ZNF804A: variants seen among roughly 807,000 people sequenced by gnomAD.
ZNF804A encodes the protein zinc finger protein 804A.
ZNF804A carries 2 observed loss-of-function variants against 16.5 expected under a neutral mutation model. The ratio of observed to expected loss-of-function variants is 0.12; its 90% CI spans 0.05 to 0.38. The LOEUF (loss-of-function observed/expected upper bound fraction) is 0.38. Ranked by LOEUF, ZNF804A falls within the 10% of genes least tolerant of loss-of-function variation. The pLI, the probability that ZNF804A is intolerant of heterozygous loss-of-function variation, is 0.99. For missense variants in ZNF804A, 1,473 were observed against 1,390.7 expected (o/e 1.06, Z -0.94); for synonymous variants, 534 against 489.6 (o/e 1.09, Z -1.20).
At chr2:184,749,551 A>G (rs531576805) in intron 1 of ZNF804A, among the ~76,000 whole-genome samples, 1 of 151,406 alleles carries the variant, frequency 6.6e-6, no homozygotes, top group Admixed American at 6.6e-5. Context: ...TTCTTTTCCT[A>G]TTTGAATGCC....
At chr2:184,608,724 A>G (rs1015163720) in intron 1 of ZNF804A, among the ~76,000 whole-genome samples, 2 of 152,166 alleles carry the variant, frequency 1.3e-5, no homozygotes, top group Admixed American at 6.5e-5. Flanking sequence ...CATGAGATGG[A>G]TGATTGCAAG....
intron 2 of ZNF804A, among the ~76,000 whole-genome samples, chr2:184,930,766 A>C (rs548234145): frequency 6.6e-5 from 10 of 152,244 alleles, no homozygotes; most frequent in Non-Finnish European, 4.4e-5. Context: ...GAAATGTTAT[A>C]AACCAGGTAT....
intron 1 of ZNF804A, among the ~76,000 whole-genome samples, chr2:184,735,012 T>C (rs978304927): frequency 6.6e-6 from 1 of 152,210 alleles, no homozygotes; most frequent in Admixed American, 6.5e-5. Flanking sequence ...ATTTGCATCA[T>C]ATGTCTTTCT....
chr2:184,772,265 CAA>C (rs71403989), intron 1 of ZNF804A, among the ~76,000 whole-genome samples: 39 of 132,070 alleles, frequency 3.0e-4, no homozygotes, highest in Admixed American at 4.6e-4. Flanking sequence ...TCCCCTTGAC[CAA>C]AAAAAAAAAA....
intron 2 of ZNF804A, among the ~76,000 whole-genome samples, chr2:184,916,956 G>C (rs1685458850): frequency 1.3e-5 from 2 of 152,128 alleles, no homozygotes; most frequent in Non-Finnish European, 2.9e-5. Context: ...TAAGGACTAG[G>C]AATCTATTGA....
intron 1 of ZNF804A, among the ~76,000 whole-genome samples, chr2:184,614,658 A>G (rs73041394): frequency 0.27 from 41,729 of 152,032 alleles, 5,958 homozygotes; most frequent in African/African-American, 0.33. Context: ...AATAAAAATT[A>G]CCATAGTAAC....
At chr2:184,679,825 C>A (rs1003348886) in intron 1 of ZNF804A, among the ~76,000 whole-genome samples, 1 of 152,072 alleles carries the variant, frequency 6.6e-6, no homozygotes, top group Non-Finnish European at 1.5e-5. Context: ...GTCTGGGCTC[C>A]ATGGGCACTG....
At position 184,938,229 on chromosome 2, in the gene ZNF804A, C is replaced by A; in HGVS notation, c.2833C>A (p.Leu945Ile). Residue 945 changes from leucine (L) to isoleucine (I), a missense_variant, in exon 4 of 4, where the codon CTT (leucine) becomes ATT (isoleucine). By Grantham distance (5) the Leu-to-Ile change is conservative (BLOSUM62 2). Coordinates refer to ENST00000302277, the MANE Select transcript of ZNF804A (RefSeq NM_194250.2). ...EHKERSENIN[L>I]NEKQIPFQVP... ...CAAAGAAAGAAGTGAGAATATAAAT[C>A]TTAATGAAAAGCAAATTCCTTTTCA... The A allele has an allele frequency of 4.3e-6, 7 of 1,614,068 alleles. No individual in the cohort carries two copies. The highest frequency in any genetic ancestry group is 5.9e-6 in the Non-Finnish European group (7 of 1,180,010).
In ZNF804A at chr2:184,832,264, G is replaced by A. The variant is rs566019802; in HGVS notation, c.112-34105G>A. 5.3e-5 allele frequency among the ~76,000 whole-genome samples: 8 copies of A among 152,110 alleles called. No individual in the cohort carries two copies. The South Asian group carries it at 1.0e-3, about 20-fold the overall frequency. ...CTCCTGTTTTGCAATTATAGGCACA[G>A]CAGGAATTTGCTATGTGCTTAAAGA... On this transcript the variant is annotated intron_variant, in intron 1 of 3. Coordinates refer to ENST00000302277, the MANE Select transcript of ZNF804A (RefSeq NM_194250.2).
At chr2:184,684,444 G>T (rs1488402929) in intron 1 of ZNF804A, among the ~76,000 whole-genome samples, 1 of 152,140 alleles carries the variant, frequency 6.6e-6, no homozygotes, top group Non-Finnish European at 1.5e-5. Context: ...TCTAATTTAT[G>T]GTGGAAAGCT....
rs869292193 is a variant in ZNF804A, at chr2:184,892,483, C to CTTTTTTTTTTTTTTTTTTT, written c.255+25975_255+25993dup. On this transcript the variant is annotated intron_variant, in intron 2 of 3. Coordinates refer to ENST00000302277, the MANE Select transcript of ZNF804A (RefSeq NM_194250.2). ...CTTCTATTCCTCACATTGTTGTGTT[C>CTTTTTTTTTTTTTTTTTTT]TTTTTTTTTTTTTTTTTTTTTTATG... Among the ~76,000 whole-genome samples the CTTTTTTTTTTTTTTTTTTT allele has an allele frequency of 3.8e-5, 4 of 105,708 alleles. 1 individual carries two copies. The highest frequency in any genetic ancestry group is 9.8e-5 in the African/African-American group (3 of 30,574). 69.3% of individuals were successfully genotyped at this position (105,708 alleles called of 152,430 possible).
chr2:184,752,607 C>T (rs1426664901), intron 1 of ZNF804A, among the ~76,000 whole-genome samples: 1 of 151,512 alleles, frequency 6.6e-6, no homozygotes, highest in East Asian at 1.9e-4. Context: ...TAAACATGAA[C>T]TTGTGCCCTG....
At chr2:184,697,648 A>T (rs1371781151) in intron 1 of ZNF804A, among the ~76,000 whole-genome samples, 1 of 152,134 alleles carries the variant, frequency 6.6e-6, no homozygotes, top group Non-Finnish European at 1.5e-5. Context: ...AGTAATACTT[A>T]TCAAAATAGT....
chr2:184,912,009 G>T (rs1012361440), intron 2 of ZNF804A, among the ~76,000 whole-genome samples: 8 of 151,720 alleles, frequency 5.3e-5, no homozygotes, highest in African/African-American at 1.9e-4. Flanking sequence ...TAATTTTTTA[G>T]ATGAAATTCA....
At position 184,619,244 on chromosome 2, in the gene ZNF804A, T is replaced by A. The variant is rs1377844978; in HGVS notation, c.111+20174T>A. 2.6e-5 allele frequency among the ~76,000 whole-genome samples: 4 copies of A among 152,096 alleles called. No homozygotes were observed. In the South Asian group the frequency reaches 6.2e-4, roughly 24 times the overall value. On this transcript the variant is annotated intron_variant, in intron 1 of 3. Transcript: ENST00000302277. ...GATAAATATTATATAGATTTATGCA[T>A]GTATTTATGCATATATAATCTGATC...
At chr2:184,773,459 G>A (rs1457481089) in intron 1 of ZNF804A, among the ~76,000 whole-genome samples, 1 of 151,896 alleles carries the variant, frequency 6.6e-6, no homozygotes, top group African/African-American at 2.4e-5. Flanking sequence ...AAACCAAGTA[G>A]CCGATTAAAA....
intron 1 of ZNF804A, among the ~76,000 whole-genome samples, chr2:184,732,513 T>G (rs1693536721): frequency 6.6e-6 from 1 of 152,180 alleles, no homozygotes; most frequent in Admixed American, 6.5e-5. Flanking sequence ...TGTTGGCTAT[T>G]CTGTGTCTTT....
At chr2:184,620,593 C>T (rs1283705126) in intron 1 of ZNF804A, among the ~76,000 whole-genome samples, 1 of 151,662 alleles carries the variant, frequency 6.6e-6, no homozygotes, top group Non-Finnish European at 1.5e-5. Flanking sequence ...CTGGTAATTT[C>T]TTAGTCATCA....
At position 184,938,714 on chromosome 2, in the gene ZNF804A, C is replaced by CGCTGCAGCTGCTGCAGCTGCAGCTGCA; in HGVS notation, c.3321_3347dup (p.Ala1111_Ala1119dup). 1.9e-6 allele frequency: 3 copies of CGCTGCAGCTGCTGCAGCTGCAGCTGCA among 1,612,404 alleles called. No individual in the cohort carries two copies. The highest frequency in any genetic ancestry group is 2.5e-6 in the Non-Finnish European group (3 of 1,178,906). ...TCCATCACACTGTTTTGCAGCAGCA[C>CGCTGCAGCTGCTGCAGCTGCAGCTGCA]GCTGCAGCTGCTGCAGCTGCAGCTG... On this transcript the variant is annotated inframe_insertion, in exon 4 of 4. Coordinates refer to ENST00000302277, the MANE Select transcript of ZNF804A (RefSeq NM_194250.2).
Sources: allele counts gnomAD v4.1 joint callset (sites outside exome capture counted in the v4.1 genomes callset), GRCh38; gene constraint gnomAD v4.1.1; transcripts MANE v1.5; gene names NCBI Gene and HGNC (gene_info 2026-07-23, HGNC 2026-07-21).